Variants in PCMT1 observed in about 807,000 individuals in gnomAD.
PCMT1 encodes the protein protein-L-isoaspartate(D-aspartate) O-methyltransferase.
Under a neutral mutation model 29.2 loss-of-function variants are expected in PCMT1, and 9 were observed. That is an observed-to-expected ratio of 0.31 (90% CI 0.19 to 0.54). The LOEUF (loss-of-function observed/expected upper bound fraction) is 0.54. Ranked by LOEUF, PCMT1 falls within the 20% of genes least tolerant of loss-of-function variation. PCMT1 has a pLI of 0.95. For synonymous variants in PCMT1, 98 were observed against 97.5 expected, an observed-to-expected ratio of 1.00 and a Z score of -0.03; for missense variants, 184 against 282.2, an observed-to-expected ratio of 0.65 and a Z score of 2.49.
rs375772737 is a variant in PCMT1, at chr6:149,796,544, A to T, written c.504+44A>T. The T allele has an allele frequency of 6.7e-6, 9 of 1,349,028 alleles. No homozygotes were observed. In the Admixed American group the frequency reaches 9.2e-5, roughly 14 times the overall value. The allele number at this position is 1,349,028 out of a possible 1,614,324, so 83.6% of individuals were successfully genotyped here. On this transcript the variant is annotated intron_variant, in intron 6 of 7. Coordinates refer to ENST00000464889, the MANE Select transcript of PCMT1 (RefSeq NM_001360452.2). ...TGTTTGTGTGTTTTTATTCAACTAAAACTCTACAAGACTTAAATAGAAAAG... is the reference window on the plus strand; with the variant it reads ...TGTTTGTGTGTTTTTATTCAACTAATACTCTACAAGACTTAAATAGAAAAG...
chr6:149,753,584 G>A (rs1395973633), intron 1 of PCMT1, among the ~76,000 whole-genome samples: 1 of 152,188 alleles, frequency 6.6e-6, no homozygotes, highest in Non-Finnish European at 1.5e-5. Context: ...GCCTGCCTCA[G>A]CCTCCCAAAG....
intron 2 of PCMT1, chr6:149,771,983 C>T (rs1187007322): frequency 2.2e-6 from 1 of 456,596 alleles, no homozygotes; most frequent in South Asian, 1.5e-5. Flanking sequence ...GCTTTATTTG[C>T]CCTGCTTTTT....
chr6:149,790,407 C>T (rs955010272), intron 4 of PCMT1, among the ~76,000 whole-genome samples: 2 of 152,236 alleles, frequency 1.3e-5, no homozygotes, highest in East Asian at 1.9e-4. Flanking sequence ...TGTCATTATC[C>T]GGTAAGCTCT....
chr6:149,792,934 G>A (rs532728114), intron 4 of PCMT1, among the ~76,000 whole-genome samples: 80 of 152,220 alleles, frequency 5.3e-4, no homozygotes, highest in Non-Finnish European at 8.8e-4. Context: ...AGGCCAAGGC[G>A]GGCAGATCAC....
At chr6:149,783,244 TG>T (rs1787889178) in intron 3 of PCMT1, among the ~76,000 whole-genome samples, 1 of 152,240 alleles carries the variant, frequency 6.6e-6, no homozygotes, top group Middle Eastern at 3.4e-3. Flanking sequence ...GCAATTCTTC[TG>T]CCTCAGCCTC....
chr6:149,762,986 CTA>C (rs1405288250), intron 1 of PCMT1, among the ~76,000 whole-genome samples: 2 of 56,052 alleles, frequency 3.6e-5, no homozygotes, highest in Non-Finnish European at 5.0e-5. Flanking sequence ...ATATATATAT[CTA>C]TGATATATAT....
intron 7 of PCMT1, among the ~76,000 whole-genome samples, chr6:149,806,858 C>T (rs1165923223): frequency 6.6e-6 from 1 of 152,182 alleles, no homozygotes; most frequent in African/African-American, 2.4e-5. Context: ...TCCCAAAGTG[C>T]TGGGATTACA....
chr6:149,763,502 T>C (rs1481197618), intron 1 of PCMT1, among the ~76,000 whole-genome samples: 1 of 152,040 alleles, frequency 6.6e-6, no homozygotes, highest in Non-Finnish European at 1.5e-5. Flanking sequence ...TTCAGCTTTT[T>C]AATAAATGGC....
chr6:149,766,981 T>A (rs912535886), intron 1 of PCMT1, among the ~76,000 whole-genome samples: 2 of 151,990 alleles, frequency 1.3e-5, no homozygotes, highest in Admixed American at 6.6e-5. Context: ...GAGGCTGAGG[T>A]GGGTGGATCA....
intron 1 of PCMT1, among the ~76,000 whole-genome samples, chr6:149,750,674 C>CT (rs998441376): frequency 5.9e-5 from 9 of 152,214 alleles, no homozygotes; most frequent in African/African-American, 2.2e-4. Context: ...GATGTTCTAA[C>CT]TTTTTTCAGG....
intron 1 of PCMT1, among the ~76,000 whole-genome samples, chr6:149,761,972 CT>C (rs1407434039): frequency 1.3e-5 from 2 of 152,116 alleles, no homozygotes; most frequent in Non-Finnish European, 2.9e-5. Context: ...TATTACAGAC[CT>C]TTCTGCTATT....
chr6:149,787,253 C>CAGAGGGAGACCGTGGAAAG (rs1292654645), intron 3 of PCMT1, among the ~76,000 whole-genome samples: 3 of 100,916 alleles, frequency 3.0e-5, no homozygotes, highest in Non-Finnish European at 6.5e-5. Flanking sequence ...GGCTCGGCAT[C>CAGAGGGAGACCGTGGAAAG]AGAGGGAGAC....
intron 7 of PCMT1, among the ~76,000 whole-genome samples, chr6:149,804,516 A>T (rs1775950194): frequency 6.6e-6 from 1 of 152,014 alleles, no homozygotes; most frequent in African/African-American, 2.4e-5. Context: ...TTAATTTAAA[A>T]AAGTGTTTTT....
intron 4 of PCMT1, among the ~76,000 whole-genome samples, chr6:149,790,735 G>A (rs890632133): frequency 2.0e-5 from 3 of 152,002 alleles, no homozygotes; most frequent in Admixed American, 6.6e-5. Context: ...GGGACCAGAC[G>A]CGGTGGCTCA....
intron 3 of PCMT1, among the ~76,000 whole-genome samples, chr6:149,774,705 C>CT (rs35453827): frequency 0.019 from 2,274 of 119,650 alleles, 104 homozygotes; most frequent in African/African-American, 0.056. Flanking sequence ...ACCTGGCTAA[C>CT]TTTTTTTTTT....
intron 1 of PCMT1, among the ~76,000 whole-genome samples, chr6:149,758,848 A>G (rs145419713): frequency 1.3e-5 from 2 of 152,168 alleles, no homozygotes; most frequent in Admixed American, 6.6e-5. Context: ...TTGCCATCAC[A>G]TAAAATTCTT....
At chr6:149,793,156 C>CAG (rs1310479687) in intron 4 of PCMT1, among the ~76,000 whole-genome samples, 5 of 105,746 alleles carry the variant, frequency 4.7e-5, no homozygotes, top group African/African-American at 2.6e-4. Context: ...GAGCGAGACT[C>CAG]TCTCTCAAAA....
At chr6:149,785,024 G>GT (rs1164607089) in intron 3 of PCMT1, among the ~76,000 whole-genome samples, 1 of 151,554 alleles carries the variant, frequency 6.6e-6, no homozygotes, top group Non-Finnish European at 1.5e-5. Context: ...TCTTGTTTCA[G>GT]TTTTTTAAAG....
chr6:149,767,081 C>A (rs186256058), intron 1 of PCMT1, among the ~76,000 whole-genome samples: 1 of 151,960 alleles, frequency 6.6e-6, no homozygotes. Flanking sequence ...TGGTGGCAGG[C>A]GCTTATAATC....
Sources: allele counts gnomAD v4.1 joint callset (sites outside exome capture counted in the v4.1 genomes callset), GRCh38; gene constraint gnomAD v4.1.1; transcripts MANE v1.5; gene names NCBI Gene and HGNC (gene_info 2026-07-23, HGNC 2026-07-21).